The following CLASP1 variants were observed in gnomAD, a reference collection of about 807,000 sequenced individuals.
The protein encoded by CLASP1 is CLIP-associating protein 1.
Under a neutral mutation model 192.3 loss-of-function variants are expected in CLASP1, and 38 were observed. The ratio of observed to expected loss-of-function variants is 0.20; its 90% CI spans 0.15 to 0.26. The LOEUF (loss-of-function observed/expected upper bound fraction) is 0.26. Among genes scored for constraint, CLASP1 ranks in the 10% least tolerant of loss-of-function variants. The pLI is 1.00. For synonymous variants in CLASP1, 691 were observed against 712.8 expected, an observed-to-expected ratio of 0.97 and a Z score of 0.49; for missense variants, 1,433 against 1,932.5, an observed-to-expected ratio of 0.74 and a Z score of 4.85.
chr2:121,574,645 A>AC (rs1473104052), intron 2 of CLASP1, among the ~76,000 whole-genome samples: 20 of 151,246 alleles, frequency 1.3e-4, no homozygotes, highest in Admixed American at 5.9e-4. Flanking sequence ...AAAAAAAAAA[A>AC]AAAAAAACAA....
intron 9 of CLASP1, among the ~76,000 whole-genome samples, chr2:121,467,812 T>G (rs1303684253): frequency 6.6e-6 from 1 of 152,246 alleles, no homozygotes; most frequent in Non-Finnish European, 1.5e-5. Context: ...CATTTGTCAA[T>G]TTTTGCTTTT....
At chr2:121,530,148 A>C in intron 3 of CLASP1, 99 bp downstream of exon 3, 1 of 891,962 alleles carries the variant, frequency 1.1e-6, no homozygotes, top group South Asian at 1.6e-5. Context: ...GCTGGAGGGG[A>C]GGCAGGGTGG....
At chr2:121,478,870 A>C (rs1249080831) in intron 8 of CLASP1, among the ~76,000 whole-genome samples, 1 of 21,790 alleles carries the variant, frequency 4.6e-5, no homozygotes, top group African/African-American at 1.7e-4. Context: ...CCACACACAC[A>C]CCACACCACA....
At chr2:121,533,839 G>A (rs971977216) in intron 2 of CLASP1, among the ~76,000 whole-genome samples, 12 of 152,140 alleles carry the variant, frequency 7.9e-5, no homozygotes, top group Non-Finnish European at 1.6e-4. Flanking sequence ...ACAATGCTGG[G>A]TACACGGTAG....
chr2:121,560,563 C>G (rs1470275355), intron 2 of CLASP1, among the ~76,000 whole-genome samples: 1 of 152,188 alleles, frequency 6.6e-6, no homozygotes, highest in African/African-American at 2.4e-5. Context: ...TCTAGGTTTT[C>G]TCTGCAAAGT....
At chr2:121,639,971 A>G (rs1207023661) in intron 1 of CLASP1, among the ~76,000 whole-genome samples, 1 of 152,146 alleles carries the variant, frequency 6.6e-6, no homozygotes, top group Non-Finnish European at 1.5e-5. Context: ...GAACCAACCC[A>G]AATGTCCAAC....
At position 121,458,751 on chromosome 2, in the gene CLASP1, T is replaced by C. The variant is rs527258960; in HGVS notation, c.1314+89A>G. On this transcript the variant is annotated intron_variant, in intron 13 of 39. Coordinates refer to ENST00000263710, the Ensembl canonical transcript of CLASP1. ...TGCTAATAAATTTAATGACTCAATA[T>C]AATTATGTTAACAAAAATGCCTCTA... 28 of 1,001,498 alleles carry C rather than the reference T, an allele frequency of 2.8e-5. No individual in the cohort carries two copies. In the South Asian group the frequency reaches 5.8e-4, roughly 21 times the overall value. The allele number at this position is 1,001,498 out of a possible 1,614,324, so 62.0% of individuals were successfully genotyped here.
At chr2:121,542,119 C>T (rs542064613) in intron 2 of CLASP1, among the ~76,000 whole-genome samples, 31 of 152,198 alleles carry the variant, frequency 2.0e-4, no homozygotes, top group Non-Finnish European at 3.4e-4. Flanking sequence ...ATCTACACCC[C>T]TATTTTCAGT....
intron 9 of CLASP1, among the ~76,000 whole-genome samples, chr2:121,464,210 G>A (rs540405277): frequency 6.6e-6 from 1 of 152,126 alleles, no homozygotes; most frequent in African/African-American, 2.4e-5. Context: ...GTTCCATGGT[G>A]TATATGTGCC....
intron 8 of CLASP1, among the ~76,000 whole-genome samples, chr2:121,476,769 C>T (rs1460070251): frequency 6.6e-6 from 1 of 152,170 alleles, no homozygotes; most frequent in Admixed American, 6.5e-5. Flanking sequence ...GATTCACCCA[C>T]TCCCTGCTAA....
At chr2:121,375,656 C>T (rs2069926500) in intron 34 of CLASP1, among the ~76,000 whole-genome samples, 1 of 152,150 alleles carries the variant, frequency 6.6e-6, no homozygotes, top group African/African-American at 2.4e-5. Context: ...GCCACCGCAC[C>T]TAGCTGGTAG....
intron 1 of CLASP1, among the ~76,000 whole-genome samples, chr2:121,613,495 A>G (rs550760603): frequency 5.1e-4 from 77 of 152,244 alleles, no homozygotes; most frequent in Non-Finnish European, 9.0e-4. Flanking sequence ...ATCTTGATGT[A>G]ATGAAAAGAG....
At chr2:121,345,228 C>A (rs1488844576) in intron 39 of CLASP1, among the ~76,000 whole-genome samples, 1 of 152,180 alleles carries the variant, frequency 6.6e-6, no homozygotes, top group Admixed American at 6.5e-5. Flanking sequence ...TCTCTCCAAA[C>A]CCCTGAGGAA....
At chr2:121,530,132 G>C in intron 3 of CLASP1, 115 bp downstream of exon 3, 2 of 798,274 alleles carry the variant, frequency 2.5e-6, no homozygotes, top group South Asian at 3.2e-5. Flanking sequence ...AAGGGAGGGA[G>C]AGGGGGCTGG....
At chr2:121,625,910 C>A (rs562902734) in intron 1 of CLASP1, among the ~76,000 whole-genome samples, 2 of 151,838 alleles carry the variant, frequency 1.3e-5, no homozygotes, top group Admixed American at 1.3e-4. Context: ...ACCATCCTGG[C>A]CAACATGGTG....
chr2:121,513,878 C>G (rs537689370), intron 7 of CLASP1, among the ~76,000 whole-genome samples: 2 of 152,320 alleles, frequency 1.3e-5, no homozygotes, highest in East Asian at 1.9e-4. Context: ...TAAACACCCT[C>G]TGCCTGGCAC....
At chr2:121,432,778 G>C (rs1406807101) in intron 19 of CLASP1, among the ~76,000 whole-genome samples, 1 of 151,830 alleles carries the variant, frequency 6.6e-6, no homozygotes, top group East Asian at 1.9e-4. Flanking sequence ...ATTATATTTT[G>C]ATCTTAACAC....
chr2:121,555,231 T>G (rs928919552), intron 2 of CLASP1, among the ~76,000 whole-genome samples: 1 of 152,368 alleles, frequency 6.6e-6, no homozygotes, highest in Non-Finnish European at 1.5e-5. Flanking sequence ...TCTGCAGCAC[T>G]GTGTGTTCTC....
At chr2:121,624,645 G>C (rs879766619) in intron 1 of CLASP1, among the ~76,000 whole-genome samples, 6 of 152,194 alleles carry the variant, frequency 3.9e-5, no homozygotes, top group Non-Finnish European at 7.3e-5. Context: ...TTGAACTCCT[G>C]ATCTCAGGTG....
Sources: gnomAD v4.1 joint callset for allele counts (sites outside exome capture counted in the v4.1 genomes callset) on GRCh38, gnomAD v4.1.1 for gene constraint, MANE v1.5 for transcripts, NCBI Gene and HGNC (gene_info 2026-07-23, HGNC 2026-07-21) for gene names.